CACNA1S: variants seen among roughly 807,000 people sequenced by gnomAD.
The protein encoded by CACNA1S is voltage-dependent L-type calcium channel subunit alpha-1S.
In CACNA1S, 126 loss-of-function variants were observed where a neutral mutation model predicts 207.4. The observed-to-expected ratio is 0.61, with a 90% CI of 0.53 to 0.70. The LOEUF is 0.70. Among genes scored for constraint, CACNA1S ranks in the 30% least tolerant of loss-of-function variants. The pLI is 0.00. For missense variants in CACNA1S, 2,349 were observed against 2,422.8 expected, an observed-to-expected ratio of 0.97 and a Z score of 0.64; for synonymous variants, 960 against 932.7, an observed-to-expected ratio of 1.03 and a Z score of -0.53.
intron 23 of CACNA1S, 144 bp from the exon 24 acceptor site, chr1:201,062,234 G>A (rs1661076453): frequency 8.1e-6 from 9 of 1,114,064 alleles, no homozygotes; most frequent in East Asian, 2.5e-5. Context: ...GGGCGAGTCC[G>A]AGGAAAGGGG....
At position 201,085,156 on chromosome 1, in the gene CACNA1S, G is replaced by C; in HGVS notation, c.1151-125C>G. On this transcript the variant is annotated intron_variant, in intron 8 of 43. Transcript: ENST00000362061. ...ATCTGCAACAATGGGTCCTAGGTAGGCCTGGATTGCTTCGTGCTTTCCAGA... is the reference window on the plus strand; with the variant it reads ...ATCTGCAACAATGGGTCCTAGGTAGCCCTGGATTGCTTCGTGCTTTCCAGA... 6.4e-6 allele frequency: 5 copies of C among 782,632 alleles called. No individual in the cohort carries two copies. The South Asian group carries it at 7.1e-5, about 11-fold the overall frequency. 48.5% of individuals were successfully genotyped at this position (782,632 alleles called of 1,614,324 possible).
intron 2 of CACNA1S, among the ~76,000 whole-genome samples, chr1:201,096,155 C>G (rs1662423897): frequency 6.6e-6 from 1 of 152,208 alleles, no homozygotes; most frequent in African/African-American, 2.4e-5. Context: ...TCAGAGAGAG[C>G]TTGTCAGGGG....
chr1:201,075,707 T>G, intron 12 of CACNA1S, 92 bp from the exon 13 acceptor site: 5 of 1,407,110 alleles, frequency 3.6e-6, no homozygotes, highest in Non-Finnish European at 4.0e-6. Context: ...CCTCCAACTC[T>G]GTGGTTCTCT....
intron 2 of CACNA1S, among the ~76,000 whole-genome samples, chr1:201,095,295 G>A (rs1662383188): frequency 6.6e-6 from 1 of 152,128 alleles, no homozygotes; most frequent in South Asian, 2.1e-4. Context: ...CCATTAGTCT[G>A]CAACACTCAC....
intron 2 of CACNA1S, among the ~76,000 whole-genome samples, chr1:201,099,017 A>G (rs1204349715): frequency 6.6e-6 from 1 of 152,274 alleles, no homozygotes; most frequent in South Asian, 2.1e-4. Context: ...CTTGGGTTGA[A>G]AAAAGCAGGG....
At position 201,047,641 on chromosome 1, in the gene CACNA1S, AG is replaced by A. The variant is rs1240965916; in HGVS notation, c.4442-16del. Reference sequence around the variant, plus strand: ...CTCAAAGTTACCTGGAGCAGGAGAAAGGCAAAAGTTACCCAGATCACACCAA... The same window carrying A: ...CTCAAAGTTACCTGGAGCAGGAGAAAGCAAAAGTTACCCAGATCACACCAA... On this transcript the variant is annotated splice_polypyrimidine_tract_variant and intron_variant, in intron 36 of 43. Transcript: ENST00000362061. 19 of 1,592,494 alleles carry A rather than the reference AG, an allele frequency of 1.2e-5. No homozygotes were observed. Among genetic ancestry groups the A allele is most frequent in the Non-Finnish European group, 1.6e-5 (19 of 1,160,436 alleles).
intron 38 of CACNA1S, among the ~76,000 whole-genome samples, chr1:201,045,908 T>C (rs1660454160): frequency 1.3e-5 from 2 of 152,174 alleles, no homozygotes; most frequent in Non-Finnish European, 2.9e-5. Context: ...TGGAACATCA[T>C]TTTGGAGTTA....
intron 28 of CACNA1S, 81 bp from the exon 29 acceptor site, chr1:201,054,642 G>T: frequency 9.5e-7 from 1 of 1,047,162 alleles, no homozygotes; most frequent in Non-Finnish European, 1.4e-6. Flanking sequence ...GAAGAGACGT[G>T]TCAGAAAGGA....
Position 201,059,419 on chromosome 1 carries a change from C to A in CACNA1S, c.3415-120G>T, listed in dbSNP as rs1572033823. 4.7e-6 allele frequency: 3 copies of A among 638,784 alleles called. No individual in the cohort carries two copies. The East Asian group carries it at 8.3e-5, about 18-fold the overall frequency. The allele number at this position is 638,784 out of a possible 1,614,324, so 39.6% of individuals were successfully genotyped here. A position where few individuals can be genotyped will look rare whatever the true frequency, so the allele number is the denominator to read the frequency against. On this transcript the variant is annotated intron_variant, in intron 26 of 43. Coordinates refer to ENST00000362061, the MANE Select transcript of CACNA1S (RefSeq NM_000069.3). ...CCCCAACCCTTTCTTGGGCCCCCTG[C>A]TCACTTTGTTTTAGCTCAGAAAACT...
intron 8 of CACNA1S, 124 bp from the exon 9 acceptor site, chr1:201,085,155 G>A (rs1661991320): frequency 5.1e-6 from 4 of 784,012 alleles, no homozygotes; most frequent in African/African-American, 5.0e-5. Flanking sequence ...GTCCTAGGTA[G>A]GCCTGGATTG....
intron 2 of CACNA1S, among the ~76,000 whole-genome samples, chr1:201,098,983 A>G (rs1662541314): frequency 6.6e-6 from 1 of 152,128 alleles, no homozygotes; most frequent in African/African-American, 2.4e-5. Context: ...TCCCAGGGGC[A>G]TTGGAGCCAG....
At chr1:201,067,080 G>A (rs1661274877) in intron 19 of CACNA1S, 87 bp from the exon 20 acceptor site, 1 of 853,616 alleles carries the variant, frequency 1.2e-6, no homozygotes, top group Non-Finnish European at 2.0e-6. Flanking sequence ...CCTCTGCTCA[G>A]GAGAGCACTT....
Position 201,102,630 on chromosome 1 carries a change from C to T in CACNA1S, c.258+7534G>A, listed in dbSNP as rs1051030080. Among the ~76,000 whole-genome samples, 8 of 152,270 alleles carry T rather than the reference C, an allele frequency of 5.3e-5. No individual in the cohort carries two copies. The East Asian group carries it at 7.7e-4, about 15-fold the overall frequency. On this transcript the variant is annotated intron_variant, in intron 2 of 43. Transcript: ENST00000362061. ...CATCATCATCCTCCCTAGCTTCGGACGACAGCCGACTAAGGTAGGTACTCT... is the reference window on the plus strand; with the variant it reads ...CATCATCATCCTCCCTAGCTTCGGATGACAGCCGACTAAGGTAGGTACTCT...
chr1:201,060,946 T>C, intron 25 of CACNA1S, 130 bp from the exon 26 acceptor site: 5 of 1,125,284 alleles, frequency 4.4e-6, no homozygotes, highest in Non-Finnish European at 6.7e-6. Flanking sequence ...GACTGTGAAC[T>C]GTTTAGGGGA....
intron 5 of CACNA1S, 81 bp downstream of exon 5, chr1:201,091,559 C>G: frequency 6.6e-7 from 1 of 1,511,462 alleles, no homozygotes; most frequent in East Asian, 2.3e-5. Flanking sequence ...GAGCTCCGGG[C>G]TCCTTCACCA....
At chr1:201,075,446 C>T in intron 13 of CACNA1S, 49 bp downstream of exon 13, 2 of 1,597,464 alleles carry the variant, frequency 1.3e-6, no homozygotes, top group Non-Finnish European at 1.7e-6. Flanking sequence ...AGCCCTTTCC[C>T]CCACCCCCTC....
chr1:201,100,484 C>T (rs543137418), intron 2 of CACNA1S, among the ~76,000 whole-genome samples: 1 of 152,246 alleles, frequency 6.6e-6, no homozygotes, highest in African/African-American at 2.4e-5. Context: ...CCAACGAACG[C>T]TCACCCAAAT....
rs2102562223 is a variant in CACNA1S at position 201,053,522 on chromosome 1, G to T, written c.3732C>A (p.Ile1244=). Reference sequence around the variant, plus strand: ...CTCCTTCTGCCCGGCTCAGCAGCTTGATCAGCCTCATGACACGGAACAGGC... The same window carrying T: ...CTCCTTCTGCCCGGCTCAGCAGCTTTATCAGCCTCATGACACGGAACAGGC... ...FFRLFRVMRL[I]KLLSRAEGVR... Residue 1244 remains isoleucine (I), a synonymous_variant, in exon 30 of 44, where the codon ATC becomes ATA. Transcript: ENST00000362061. This position sits in a 1 kb window ranked among gnomAD's most constrained non-coding sequence, Gnocchi z 5.1. The T allele has an allele frequency of 3.7e-6, 6 of 1,614,148 alleles. No individual in the cohort carries two copies. The highest frequency in any genetic ancestry group is 1.6e-4 in the Middle Eastern group (1 of 6,062).
intron 15 of CACNA1S, 116 bp from the exon 16 acceptor site, chr1:201,072,940 A>G: frequency 2.4e-6 from 2 of 821,990 alleles, no homozygotes; most frequent in Admixed American, 1.7e-5. Context: ...CCTACAGCCT[A>G]AGGAACAGGG....
Sources: gnomAD v4.1 joint callset for allele counts (sites outside exome capture counted in the v4.1 genomes callset) on GRCh38, gnomAD v4.1.1 for gene constraint, Gnocchi (gnomAD v3.1) non-coding constraint, MANE v1.5 for transcripts, NCBI Gene and HGNC (gene_info 2026-07-23, HGNC 2026-07-21) for gene names.